Variants in LHFPL4 observed in about 807,000 individuals in gnomAD.
LHFPL4 encodes LHFPL tetraspan subfamily member 4 protein.
In LHFPL4, 6 loss-of-function variants were observed where a neutral mutation model predicts 20.0. The observed-to-expected ratio is 0.30, with a 90% CI of 0.16 to 0.59. The LOEUF (loss-of-function observed/expected upper bound fraction) is 0.59. Among genes scored for constraint, LHFPL4 ranks in the 20% least tolerant of loss-of-function variants. LHFPL4 has a pLI of 0.88. For missense variants in LHFPL4, 215 were observed against 331.2 expected (o/e 0.65, Z 2.72); for synonymous variants, 129 against 143.8 (o/e 0.90, Z 0.74).
intron 3 of LHFPL4, 83 bp from the exon 4 acceptor site, chr3:9,502,394 T>C: frequency 1.1e-6 from 1 of 940,614 alleles, no homozygotes. Flanking sequence ...TCCTTGCACA[T>C]TCCCCAGGGC....
chr3:9,522,332 G>A lies in LHFPL4; in HGVS notation c.407-16129C>T, dbSNP rs557636283. On this transcript the variant is annotated intron_variant, in intron 2 of 3. Transcript: ENST00000287585. ...TAACAGAATAATCCTATGTATGACT[G>A]TTGTCATTCATTCACTTTAAGCATA... 7.2e-5 allele frequency among the ~76,000 whole-genome samples: 11 copies of A among 152,200 alleles called. 1 individual carries two copies. In the South Asian group the frequency reaches 2.3e-3, roughly 32 times the overall value.
At chr3:9,535,923 T>G (rs2046441572) in intron 2 of LHFPL4, among the ~76,000 whole-genome samples, 1 of 152,190 alleles carries the variant, frequency 6.6e-6, no homozygotes, top group African/African-American at 2.4e-5. Context: ...TGCCTCAGCC[T>G]CCTGAATAGC....
At chr3:9,545,329 G>C (rs936650316) in intron 2 of LHFPL4, among the ~76,000 whole-genome samples, 1 of 152,126 alleles carries the variant, frequency 6.6e-6, no homozygotes, top group African/African-American at 2.4e-5. Flanking sequence ...TCAGTATCAC[G>C]CACATACAAC....
chr3:9,519,235 A>T lies in LHFPL4; in HGVS notation c.407-13032T>A, dbSNP rs146758508. On this transcript the variant is annotated intron_variant, in intron 2 of 3. Coordinates refer to ENST00000287585, the MANE Select transcript of LHFPL4 (RefSeq NM_198560.3). ...ATTACAGGCATGAGCCACCGCACCC[A>T]ACCTAATTTTTGTATTTTTACTAGA... Among the ~76,000 whole-genome samples, 108 of 151,530 alleles carry T rather than the reference A, an allele frequency of 7.1e-4. 2 individuals carry two copies. The highest frequency in any genetic ancestry group is 2.6e-3 in the African/African-American group (107 of 41,246).
At position 9,552,374 on chromosome 3, in the gene LHFPL4, G is replaced by A; in HGVS notation, c.306C>T (p.Ser102=). ...TGATGCAGCCGAGGATCAGCACCATGGAGAGCAGCACGAAGAAGGCGGCCG... is the reference window on the plus strand; with the variant it reads ...TGATGCAGCCGAGGATCAGCACCATAGAGAGCAGCACGAAGAAGGCGGCCG... ...FKAAAFFVLL[S]MVLILGCITC... The change falls in exon 2 of 4, where the codon TCC becomes TCT. Residue 102 remains serine (S), a synonymous_variant. Coordinates refer to ENST00000287585, the MANE Select transcript of LHFPL4 (RefSeq NM_198560.3). 1 of 1,614,018 alleles carries A rather than the reference G, an allele frequency of 6.2e-7. No homozygotes were observed. The highest frequency in any genetic ancestry group is 8.5e-7 in the Non-Finnish European group (1 of 1,180,016).
intron 2 of LHFPL4, among the ~76,000 whole-genome samples, chr3:9,536,728 GA>G (rs933531053): frequency 2.0e-5 from 3 of 152,052 alleles, no homozygotes; most frequent in African/African-American, 7.2e-5. Flanking sequence ...TTGGAAGAGT[GA>G]AATGGGAGGA....
intron 2 of LHFPL4, among the ~76,000 whole-genome samples, chr3:9,520,157 T>C (rs1425564642): frequency 1.3e-5 from 2 of 152,108 alleles, no homozygotes; most frequent in African/African-American, 4.8e-5. Flanking sequence ...TTCATTTTCA[T>C]TTAATTCAAA....
Position 9,552,278 on chromosome 3 carries a change from C to G in LHFPL4, c.402G>C (p.Leu134Phe), listed in dbSNP as rs1260462758. 2 of 1,596,872 alleles carry G rather than the reference C, an allele frequency of 1.3e-6. No individual in the cohort carries two copies. The highest frequency in any genetic ancestry group is 1.7e-4 in the Middle Eastern group (1 of 5,996). Residue 134 changes from leucine (L) to phenylalanine (F), a missense_variant, in exon 2 of 4, where the codon TTG (leucine) becomes TTC (phenylalanine). By Grantham distance (22) the Leu-to-Phe change is conservative. Transcript: ENST00000287585. The part of the protein sequence containing the change: ...VYKICAWMQL[L>F]AALCLVLGCM... ...TCCGTCCACCCCCTCCCCTACCTGC[C>G]AAGAGCTGCATCCAGGCGCAGATCT...
At chr3:9,537,365 A>G (rs141223654) in intron 2 of LHFPL4, among the ~76,000 whole-genome samples, 267 of 152,242 alleles carry the variant, frequency 1.8e-3, no homozygotes, top group Middle Eastern at 0.01. Flanking sequence ...GGAGGGGGGT[A>G]CTGTTGGGAA....
chr3:9,511,562 C>T (rs9876843), intron 2 of LHFPL4, among the ~76,000 whole-genome samples: 77,888 of 151,876 alleles, frequency 0.51, 20,513 homozygotes, highest in African/African-American at 0.64. Context: ...GAAAAGTAAA[C>T]TTAAATTACT....
chr3:9,545,830 G>A (rs1275961493), intron 2 of LHFPL4, among the ~76,000 whole-genome samples: 2 of 151,394 alleles, frequency 1.3e-5, no homozygotes, highest in Non-Finnish European at 2.9e-5. Context: ...GATTTCTTAA[G>A]CCCGGGAGCC....
intron 2 of LHFPL4, among the ~76,000 whole-genome samples, chr3:9,540,755 A>G (rs1306559481): frequency 2.0e-5 from 3 of 151,098 alleles, no homozygotes; most frequent in Non-Finnish European, 4.4e-5. Context: ...AAAAAAATTA[A>G]TGAGGCATGG....
At chr3:9,545,391 G>A (rs1415098980) in intron 2 of LHFPL4, among the ~76,000 whole-genome samples, 1 of 152,158 alleles carries the variant, frequency 6.6e-6, no homozygotes, top group Non-Finnish European at 1.5e-5. Flanking sequence ...AAGACCCAGG[G>A]CAATGTGCTG....
At position 9,501,869 on chromosome 3, in the gene LHFPL4, G is replaced by C; in HGVS notation, c.*342C>G. ...CAGCCCTCCAGACTGAGGGGGCCTG[G>C]GGAGCTGGAACTACAGCTCCGCTCT... On this transcript the variant is annotated 3_prime_UTR_variant, in exon 4 of 4. Transcript: ENST00000287585. The C allele has an allele frequency of 3.8e-6, 1 of 266,646 alleles. No homozygotes were observed. The highest frequency in any genetic ancestry group is 9.3e-5 in the South Asian group (1 of 10,774). The allele number at this position is 266,646 out of a possible 1,614,324, so 16.5% of individuals were successfully genotyped here.
intron 2 of LHFPL4, among the ~76,000 whole-genome samples, chr3:9,514,421 C>A (rs1207738531): frequency 6.6e-6 from 1 of 152,040 alleles, no homozygotes; most frequent in East Asian, 1.9e-4. Flanking sequence ...ACTCCCTGAC[C>A]CTACACATGC....
intron 2 of LHFPL4, among the ~76,000 whole-genome samples, chr3:9,517,202 C>T (rs57068412): frequency 0.31 from 46,921 of 151,932 alleles, 7,667 homozygotes; most frequent in Non-Finnish European, 0.36. Context: ...TCTTTTGCCT[C>T]TCCATATAAA....
intron 2 of LHFPL4, among the ~76,000 whole-genome samples, chr3:9,533,813 G>A (rs1046294774): frequency 2.0e-5 from 3 of 151,790 alleles, no homozygotes; most frequent in Admixed American, 2.0e-4. Context: ...TACCTTTGGA[G>A]GAGTGACTGG....
chr3:9,527,025 G>A (rs1347187666), intron 2 of LHFPL4, among the ~76,000 whole-genome samples: 1 of 151,958 alleles, frequency 6.6e-6, no homozygotes, highest in Non-Finnish European at 1.5e-5. Flanking sequence ...GAAGGAGGGA[G>A]GGAAGGAGAC....
At chr3:9,525,623 A>C (rs907144509) in intron 2 of LHFPL4, among the ~76,000 whole-genome samples, 8 of 152,252 alleles carry the variant, frequency 5.3e-5, no homozygotes, top group Non-Finnish European at 8.8e-5. Flanking sequence ...TATAAAAAGG[A>C]TATGCATACT....
Sources: gnomAD v4.1 joint callset for allele counts (sites outside exome capture counted in the v4.1 genomes callset) on GRCh38, gnomAD v4.1.1 for gene constraint, MANE v1.5 for transcripts, NCBI Gene and HGNC (gene_info 2026-07-23, HGNC 2026-07-21) for gene names.